PNMA6E: variants seen among roughly 807,000 people sequenced by gnomAD.
PNMA6E encodes the protein paraneoplastic antigen Ma6E.
For missense variants in PNMA6E, 78 were observed against 50.8 expected, an observed-to-expected ratio of 1.53 and a Z score of -1.63; for synonymous variants, 43 against 17.1, an observed-to-expected ratio of 2.52 and a Z score of -3.74.
At position 153,396,689 on chromosome X, in the gene PNMA6E, C is replaced by T. The variant is rs1034915676; in HGVS notation, c.*217G>A. The T allele has an allele frequency of 3.9e-6, 1 of 258,574 alleles. No homozygotes were observed. The highest frequency in any genetic ancestry group is 5.7e-5 in the East Asian group (1 of 17,658). The allele number at this position is 258,574 out of a possible 1,213,427, so 21.3% of individuals were successfully genotyped here. A position where few individuals can be genotyped will look rare whatever the true frequency, so the allele number is the denominator to read the frequency against. ...GGGCTGGGGCTGGGTGTGCTGGGTG[C>T]AAGGGAGCGGGGGGGCGCCTCTCCC... is the stretch of plus-strand genomic sequence containing the variant. On this transcript the variant is annotated 3_prime_UTR_variant, in exon 2 of 2. Coordinates refer to ENST00000445091, the MANE Select transcript of PNMA6E (RefSeq NM_001367770.1).
chrX:153,407,211 T>A, the PNMA6E span, among the ~76,000 whole-genome samples: 1 of 112,419 alleles, frequency 8.9e-6, no homozygotes, highest in South Asian at 3.6e-4. Flanking sequence ...GGCTAAGCCT[T>A]CTCCTCTGCC....
chrX:153,404,954 G>A (rs1234893920), upstream of PNMA6E, among the ~76,000 whole-genome samples: 3 of 112,618 alleles, frequency 2.7e-5, no homozygotes, highest in Non-Finnish European at 5.6e-5. Context: ...AGTCCCTCAT[G>A]CCATCAGAAG....
intron 1 of PNMA6E, among the ~76,000 whole-genome samples, chrX:153,400,713 C>T (rs996767978): frequency 2.7e-5 from 3 of 110,699 alleles, no homozygotes; most frequent in Non-Finnish European, 5.7e-5. Context: ...GGGCCGTCCC[C>T]TCTCGCGCCT....
At chrX:153,400,278 C>T (rs995570502) in intron 1 of PNMA6E, among the ~76,000 whole-genome samples, 6 of 112,525 alleles carry the variant, frequency 5.3e-5, no homozygotes, top group Non-Finnish European at 1.1e-4. Flanking sequence ...GGCACTGCCA[C>T]GCCGACAGCC....
rs1018608116 is a variant in PNMA6E, at chrX:153,396,136, G to C, written c.*770C>G. On this transcript the variant is annotated 3_prime_UTR_variant, in exon 2 of 2. Transcript: ENST00000445091. ...CGGGGTGAGCGTCCGCCGTGCCCTG[G>C]TGCCTCCTTCCCGCCATCTCCTGGG... The C allele has an allele frequency of 8.2e-6, 1 of 122,673 alleles. No homozygotes were observed. Among genetic ancestry groups the C allele is most frequent in the Non-Finnish European group, 1.9e-5 (1 of 53,237 alleles). The allele number at this position is 122,673 out of a possible 1,213,427, so 10.1% of individuals were successfully genotyped here. A position where few individuals can be genotyped will look rare whatever the true frequency, so the allele number is the denominator to read the frequency against.
the PNMA6E span, among the ~76,000 whole-genome samples, chrX:153,408,800 C>A: frequency 8.9e-6 from 1 of 112,553 alleles, no homozygotes; most frequent in Non-Finnish European, 1.9e-5. Context: ...CAAGGCTCTG[C>A]ATGCAGCCCA....
At chrX:153,413,701 T>G in the PNMA6E span, among the ~76,000 whole-genome samples, 2 of 111,830 alleles carry the variant, frequency 1.8e-5, no homozygotes, top group African/African-American at 6.5e-5. Flanking sequence ...AAGAAGCTGC[T>G]CTCTAGTTCC....
At chrX:153,400,564 G>T in intron 1 of PNMA6E, among the ~76,000 whole-genome samples, 1 of 62,794 alleles carries the variant, frequency 1.6e-5, no homozygotes, top group South Asian at 7.4e-4. Flanking sequence ...CGACAATCCC[G>T]CCCTCCACCC....
At chrX:153,409,690 T>G in the PNMA6E span, among the ~76,000 whole-genome samples, 2 of 112,239 alleles carry the variant, frequency 1.8e-5, no homozygotes, top group Non-Finnish European at 3.8e-5. Context: ...GCTCCCCCAT[T>G]TCTAAGCTTG....
chrX:153,409,760 T>G, the PNMA6E span, among the ~76,000 whole-genome samples: 2 of 111,855 alleles, frequency 1.8e-5, no homozygotes, highest in African/African-American at 6.5e-5. Flanking sequence ...TGGGGTGCAC[T>G]CCCAGGGGCC....
At chrX:153,402,106 A>G (rs1212626901), upstream of PNMA6E, among the ~76,000 whole-genome samples, 2 of 111,228 alleles carry the variant, frequency 1.8e-5, no homozygotes, top group African/African-American at 3.3e-5. Flanking sequence ...TACAGGCCCT[A>G]TGTTTTTATT....
the PNMA6E span, among the ~76,000 whole-genome samples, chrX:153,409,785 G>A: frequency 5.4e-5 from 6 of 111,876 alleles, no homozygotes; most frequent in South Asian, 7.4e-4. Flanking sequence ...TCCCCTGCCC[G>A]AGGCACACAC....
upstream of PNMA6E, among the ~76,000 whole-genome samples, chrX:153,403,112 G>A (rs1260362648): frequency 8.9e-6 from 1 of 111,734 alleles, no homozygotes; most frequent in Non-Finnish European, 1.9e-5. Context: ...TTATTTCTTC[G>A]AGTAGTTTTT....
chrX:153,406,738 T>C, the PNMA6E span, among the ~76,000 whole-genome samples: 1 of 112,902 alleles, frequency 8.9e-6, no homozygotes, highest in Non-Finnish European at 1.9e-5. Flanking sequence ...TAAAGAGTTA[T>C]CTCTGGTTTC....
chrX:153,396,039 G>T lies in PNMA6E; in HGVS notation c.*867C>A, dbSNP rs2088800247. ...TGAAACGCCAAAGCATAGTTCTTGT[G>T]GATCCTCACGCAGCCCCGCTGTGCC... On this transcript the variant is annotated 3_prime_UTR_variant, in exon 2 of 2. Transcript: ENST00000445091. 8.6e-6 allele frequency: 1 copy of T among 116,727 alleles called. No individual in the cohort carries two copies. The highest frequency in any genetic ancestry group is 3.2e-5 in the African/African-American group (1 of 30,959). The allele number at this position is 116,727 out of a possible 1,213,427, so 9.6% of individuals were successfully genotyped here.
Position 153,398,255 on chromosome X carries a change from C to A in PNMA6E, c.595G>T (p.Ala199Ser). Residue 199 changes from alanine (A) to serine (S), a missense_variant, in exon 2 of 2, where the codon GCA becomes TCA. By Grantham distance (99) the Ala-to-Ser change is moderately conservative. Transcript: ENST00000445091. ...TCACCTACACCTCCTGCCTCACCTG[C>A]GCCTCCTGCCTCACCTGCTGCTCCT... The part of the protein sequence containing the change: ...EGGAAGEAGG[A>S]GEAGGVGEAG... 1 of 432,155 alleles carries A rather than the reference C, an allele frequency of 2.3e-6. No homozygotes were observed. The highest frequency in any genetic ancestry group is 3.6e-5 in the South Asian group (1 of 27,648). 35.6% of individuals were successfully genotyped at this position (432,155 alleles called of 1,213,427 possible).
At chrX:153,413,826 A>G in the PNMA6E span, among the ~76,000 whole-genome samples, 1 of 112,266 alleles carries the variant, frequency 8.9e-6, no homozygotes, top group African/African-American at 3.2e-5. Flanking sequence ...AGGAGTTGAA[A>G]TTGTAGATGA....
chrX:153,401,868 T>C (rs1383310653), upstream of PNMA6E, among the ~76,000 whole-genome samples: 3 of 101,119 alleles, frequency 3.0e-5, no homozygotes, highest in Non-Finnish European at 6.1e-5. Flanking sequence ...ACTCGCTCTG[T>C]TGCCAGGCTG....
At chrX:153,399,796 C>T (rs2088836543) in intron 1 of PNMA6E, among the ~76,000 whole-genome samples, 1 of 112,007 alleles carries the variant, frequency 8.9e-6, no homozygotes, top group East Asian at 2.8e-4. Flanking sequence ...TTTCGAGCTT[C>T]TTTAAATGGA....
Sources: gnomAD v4.1 joint callset for allele counts (sites outside exome capture counted in the v4.1 genomes callset) on GRCh38, gnomAD v4.1.1 for gene constraint, MANE v1.5 for transcripts, NCBI Gene and HGNC (gene_info 2026-07-23, HGNC 2026-07-21) for gene names.